RMDN2: variants seen among roughly 807,000 people sequenced by gnomAD.
RMDN2 encodes regulator of microtubule dynamics protein 2.
Under a neutral mutation model 52.8 loss-of-function variants are expected in RMDN2, and 61 were observed. The observed-to-expected ratio is 1.16, with a 90% CI of 0.94 to 1.43. The LOEUF (loss-of-function observed/expected upper bound fraction) is 1.43, where lower values mean the gene tolerates loss of function less well. RMDN2 is among the 40% of genes most tolerant of loss of function. The pLI is 0.00. For synonymous variants in RMDN2, 180 were observed against 153.1 expected (o/e 1.18, Z -1.30); for missense variants, 592 against 475.3 (o/e 1.25, Z -2.28).
chr2:37,973,469 G>C (rs575185106), intron 2 of RMDN2, among the ~76,000 whole-genome samples: 57 of 152,154 alleles, frequency 3.7e-4, no homozygotes, highest in Non-Finnish European at 7.1e-4. Context: ...CCTACCATCA[G>C]GGAGCTTGCA....
At chr2:37,978,266 G>A (rs1027910755) in intron 4 of RMDN2, among the ~76,000 whole-genome samples, 12 of 148,928 alleles carry the variant, frequency 8.1e-5, no homozygotes, top group Admixed American at 6.7e-4. Flanking sequence ...TCGAGATGGC[G>A]GCAGTACAGT....
exon 11 of RMDN2, chr2:38,066,987 G>A: frequency 2.5e-6 from 4 of 1,613,892 alleles, no homozygotes; most frequent in Non-Finnish European, 3.4e-6. Flanking sequence ...AATAGGAGCT[G>A]TAGTCTGGAA....
chr2:37,967,198 C>A (rs1438820604), intron 2 of RMDN2, among the ~76,000 whole-genome samples: 1 of 152,120 alleles, frequency 6.6e-6, no homozygotes, highest in Non-Finnish European at 1.5e-5. Context: ...GAAATAATAG[C>A]TAGTACCATA....
intron 10 of RMDN2, among the ~76,000 whole-genome samples, chr2:38,041,904 T>C (rs1680978472): frequency 6.6e-6 from 1 of 152,158 alleles, no homozygotes; most frequent in Non-Finnish European, 1.5e-5. Context: ...AGATATTGGT[T>C]TGTTGTTTTT....
At chr2:38,005,869 T>A (rs1677005330) in intron 10 of RMDN2, among the ~76,000 whole-genome samples, 1 of 152,218 alleles carries the variant, frequency 6.6e-6, no homozygotes, top group African/African-American at 2.4e-5. Context: ...CATCTTGAAT[T>A]AATTTTTGTA....
intron 10 of RMDN2, among the ~76,000 whole-genome samples, chr2:38,010,017 A>C (rs1188820686): frequency 2.0e-5 from 3 of 152,216 alleles, no homozygotes; most frequent in Non-Finnish European, 1.5e-5. Flanking sequence ...CAGAGGCTGC[A>C]GAACAGTGGA....
chr2:37,923,113 G>C (rs1666078721), upstream of RMDN2: 1 of 152,170 alleles, frequency 6.6e-6, no homozygotes, highest in Non-Finnish European at 1.5e-5. Context: ...GTAGTGGGGA[G>C]GGGAATCATT....
At chr2:38,006,185 G>C (rs1161345374) in intron 10 of RMDN2, among the ~76,000 whole-genome samples, 1 of 152,108 alleles carries the variant, frequency 6.6e-6, no homozygotes. Flanking sequence ...TGGCAATGTG[G>C]GCTCTTTTTT....
chr2:37,939,300 T>C (rs1380619139), intron 2 of RMDN2, among the ~76,000 whole-genome samples: 1 of 152,196 alleles, frequency 6.6e-6, no homozygotes, highest in Non-Finnish European at 1.5e-5. Context: ...TGAGGAGTCT[T>C]TTACTTCCAA....
At chr2:37,975,844 A>G (rs1672394664) in intron 4 of RMDN2, among the ~76,000 whole-genome samples, 2 of 152,242 alleles carry the variant, frequency 1.3e-5, no homozygotes, top group African/African-American at 2.4e-5. Flanking sequence ...TTTTAGGGCT[A>G]AAGTATATGT....
chr2:37,957,015 A>G (rs1048963710), intron 2 of RMDN2, among the ~76,000 whole-genome samples: 2 of 152,194 alleles, frequency 1.3e-5, no homozygotes, highest in African/African-American at 4.8e-5. Context: ...ATAGTATTCC[A>G]TGGTGTCTAT....
intron 10 of RMDN2, among the ~76,000 whole-genome samples, chr2:38,045,710 A>G (rs1681230489): frequency 6.6e-6 from 1 of 152,198 alleles, no homozygotes. Flanking sequence ...CATCTGAAGC[A>G]TTTTTGCCTG....
At chr2:37,997,307 T>TAC (rs372260489) in intron 7 of RMDN2, 109 bp from the exon 8 acceptor site, 564 of 720,804 alleles carry the variant, frequency 7.8e-4, no homozygotes, top group Admixed American at 2.3e-4. Flanking sequence ...GTTATATCTA[T>TAC]ACACACACAC....
At chr2:38,042,858 G>GAA (rs1297276076) in intron 10 of RMDN2, among the ~76,000 whole-genome samples, 1 of 152,036 alleles carries the variant, frequency 6.6e-6, no homozygotes, top group Admixed American at 6.6e-5. Context: ...TATGGTCTGT[G>GAA]AATATGTTTG....
In RMDN2 at chr2:38,010,975, C is replaced by T. The variant is rs1380043567; in HGVS notation, c.1180-6211C>T. ...ACCAGGAGGCCCCTACCAGTTAAAA[C>T]ATCCTGATCCTTGTTAGATGTAAGA... is the stretch of plus-strand genomic sequence containing the variant. On this transcript the variant is annotated intron_variant, in intron 10 of 10. Transcript: ENST00000354545. 2.6e-5 allele frequency among the ~76,000 whole-genome samples: 4 copies of T among 152,204 alleles called. No individual in the cohort carries two copies. The East Asian group carries it at 7.7e-4, about 29-fold the overall frequency.
At chr2:37,992,525 A>T (rs998649039) in intron 7 of RMDN2, among the ~76,000 whole-genome samples, 1 of 152,204 alleles carries the variant, frequency 6.6e-6, no homozygotes, top group Non-Finnish European at 1.5e-5. Flanking sequence ...CACATGTTTT[A>T]CTTACTGTTT....
chr2:37,960,153 T>G (rs1670013095), intron 2 of RMDN2, among the ~76,000 whole-genome samples: 1 of 152,204 alleles, frequency 6.6e-6, no homozygotes, highest in Non-Finnish European at 1.5e-5. Context: ...AGATGTCTAT[T>G]AGGTCCTCTT....
chr2:38,023,726 C>G (rs942820745), intron 10 of RMDN2, among the ~76,000 whole-genome samples: 1 of 152,120 alleles, frequency 6.6e-6, no homozygotes, highest in African/African-American at 2.4e-5. Context: ...GCCCCTCAAC[C>G]TATGTTTTGC....
upstream of RMDN2, among the ~76,000 whole-genome samples, chr2:37,922,438 T>G (rs1195427051): frequency 7.0e-6 from 1 of 143,156 alleles, no homozygotes; most frequent in East Asian, 2.5e-4. Flanking sequence ...AAAAAAAAAT[T>G]GACACTCCCA....
Sources: gnomAD v4.1 joint callset for allele counts (sites outside exome capture counted in the v4.1 genomes callset) on GRCh38, gnomAD v4.1.1 for gene constraint, MANE v1.5 for transcripts, NCBI Gene and HGNC (gene_info 2026-07-23, HGNC 2026-07-21) for gene names.